The following ZFHX3 variants were observed in gnomAD, a reference collection of about 807,000 sequenced individuals.
The protein encoded by ZFHX3 is zinc finger homeobox protein 3.
In ZFHX3, 42 loss-of-function variants were observed where a neutral mutation model predicts 279.1. The ratio of observed to expected loss-of-function variants is 0.15; its 90% confidence interval spans 0.12 to 0.19. The LOEUF (loss-of-function observed/expected upper bound fraction) is 0.19. Ranked by LOEUF, ZFHX3 falls within the 10% of genes least tolerant of loss-of-function variation. The pLI is 1.00. For synonymous variants in ZFHX3, 2,293 were observed against 1,957.8 expected (o/e 1.17, Z -4.52); for missense variants, 4,981 against 4,754.0 (o/e 1.05, Z -1.40).
At chr16:73,277,112 C>T (rs2014321041) in intron 4 of ZFHX3, among the ~76,000 whole-genome samples, 1 of 152,210 alleles carries the variant, frequency 6.6e-6, no homozygotes, top group African/African-American at 2.4e-5. Flanking sequence ...CTGCCTCACA[C>T]TTTAAAAAAT....
At chr16:73,265,015 C>T (rs944901063) in intron 4 of ZFHX3, among the ~76,000 whole-genome samples, 2 of 142,096 alleles carry the variant, frequency 1.4e-5, no homozygotes, top group South Asian at 2.2e-4. Context: ...CACCTCAGTG[C>T]ATATATATAT....
At chr16:72,927,637 T>G (rs1959527198) in intron 3 of ZFHX3, among the ~76,000 whole-genome samples, 1 of 152,214 alleles carries the variant, frequency 6.6e-6, no homozygotes, top group South Asian at 2.1e-4. Flanking sequence ...AGCATGGCAC[T>G]GGGGCTGGCA....
intron 3 of ZFHX3, among the ~76,000 whole-genome samples, chr16:73,338,609 A>G (rs970620643): frequency 1.3e-5 from 2 of 152,142 alleles, no homozygotes; most frequent in Non-Finnish European, 2.9e-5. Context: ...TTGCCAATAT[A>G]TGACTGCTCT....
chr16:73,886,377 G>C (rs1476737875), intron 1 of ZFHX3, among the ~76,000 whole-genome samples: 1 of 152,048 alleles, frequency 6.6e-6, no homozygotes, highest in African/African-American at 2.4e-5. Context: ...GCTTACATTT[G>C]AAAGAAAGGG....
At position 72,958,346 on chromosome 16, in the gene ZFHX3, G is replaced by A; in HGVS notation, c.1800C>T (p.Ala600=). The part of the protein sequence containing the change: ...FADESANKDN[A]TAPEPNESTE... ...TGCTTTCATTTGGTTCTGGTGCTGT[G>A]GCATTGTCTTTATTGGCACTTTCGT... Residue 600 remains alanine, a synonymous_variant, in exon 2 of 10, where the codon GCC becomes GCT. Transcript: ENST00000268489. The A allele has an allele frequency of 6.2e-7, 1 of 1,614,052 alleles. No individual in the cohort carries two copies. The highest frequency in any genetic ancestry group is 8.5e-7 in the Non-Finnish European group (1 of 1,179,948).
At chr16:73,515,002 A>G (rs979123968) in intron 2 of ZFHX3, among the ~76,000 whole-genome samples, 1 of 152,194 alleles carries the variant, frequency 6.6e-6, no homozygotes, top group African/African-American at 2.4e-5. Context: ...TTCTCATGAA[A>G]CAAAAGGACT....
At chr16:73,503,634 A>C (rs1243825854) in intron 2 of ZFHX3, among the ~76,000 whole-genome samples, 2 of 152,116 alleles carry the variant, frequency 1.3e-5, no homozygotes, top group Non-Finnish European at 2.9e-5. Flanking sequence ...TGATTTCCTG[A>C]ATAGGGGAAT....
chr16:72,900,486 C>T (rs564781335), intron 3 of ZFHX3, among the ~76,000 whole-genome samples: 1 of 152,350 alleles, frequency 6.6e-6, no homozygotes, highest in South Asian at 2.1e-4. Context: ...GAGAAAACTT[C>T]CACATATGTG....
At position 72,796,368 on chromosome 16, in the gene ZFHX3, A is replaced by G. The variant is rs2035901513; in HGVS notation, c.6314T>C (p.Met2105Thr). ...CTGAGCCGGCAAGGTCTGCAGCGGC[A>G]TCGTCTGCATCATCAGCGGCGAGAA... Reference protein sequence around the residue: ...PIFSPLMMQTMPLQTLPAQLP... With the variant: ...PIFSPLMMQTTPLQTLPAQLP... The change falls in exon 9 of 10, where the codon ATG becomes ACG. Residue 2105 changes from methionine to threonine, a missense_variant. By Grantham distance (81) the Met-to-Thr change is moderately conservative. Around this residue, in one of 7 missense-constraint regions of ZFHX3, gnomAD observed 1,751 missense variants for 1,770.0 expected, o/e 0.99. Coordinates refer to ENST00000268489, the MANE Select transcript of ZFHX3 (RefSeq NM_006885.4). The G allele has an allele frequency of 6.2e-7, 1 of 1,613,862 alleles. No individual in the cohort carries two copies. Among genetic ancestry groups the G allele is most frequent in the African/African-American group, 1.3e-5 (1 of 75,016 alleles).
intron 2 of ZFHX3, among the ~76,000 whole-genome samples, chr16:73,503,601 GT>G (rs2019275320): frequency 6.6e-6 from 1 of 152,148 alleles, no homozygotes; most frequent in Non-Finnish European, 1.5e-5. Flanking sequence ...CAGTTACAGT[GT>G]TTTTTGATTT....
rs7201397 is a variant in ZFHX3 at position 73,811,984 on chromosome 16, C to T, written c.-1608+79667G>A. On this transcript the variant is annotated intron_variant, in intron 1 of 17. Coordinates refer to the ZFHX3 transcript ENST00000641206. ...CTTTGCAACAATTCTCTTACTATCA[C>T]CATTTGTGGATAAGAAAACAGAGGC... 5.7e-3 allele frequency among the ~76,000 whole-genome samples: 861 copies of T among 152,236 alleles called. 11 individuals are homozygous for T. The highest frequency in any genetic ancestry group is 0.019 in the African/African-American group (801 of 41,530).
chr16:73,315,606 A>C (rs921578037), intron 4 of ZFHX3, among the ~76,000 whole-genome samples: 1 of 152,206 alleles, frequency 6.6e-6, no homozygotes, highest in Non-Finnish European at 1.5e-5. Context: ...GGTATTGAAA[A>C]AAAAAGACAT....
chr16:73,806,219 A>G (rs1046599744), intron 1 of ZFHX3, among the ~76,000 whole-genome samples: 1 of 152,224 alleles, frequency 6.6e-6, no homozygotes, highest in African/African-American at 2.4e-5. Context: ...GGATTATTAC[A>G]ATTCAAGGTG....
chr16:73,696,794 G>A (rs191319849), intron 1 of ZFHX3, among the ~76,000 whole-genome samples: 1 of 152,242 alleles, frequency 6.6e-6, no homozygotes, highest in Admixed American at 6.5e-5. Context: ...CTGCTTGGCT[G>A]TGGCTTTCAT....
chr16:73,590,095 G>T (rs1241333587), intron 2 of ZFHX3, among the ~76,000 whole-genome samples: 1 of 152,188 alleles, frequency 6.6e-6, no homozygotes, highest in Admixed American at 6.5e-5. Context: ...CTATTGGCAT[G>T]GGAATTTTGG....
At chr16:73,633,642 T>C (rs1466233332) in intron 2 of ZFHX3, among the ~76,000 whole-genome samples, 1 of 152,232 alleles carries the variant, frequency 6.6e-6, no homozygotes, top group Non-Finnish European at 1.5e-5. Flanking sequence ...AAACATAATA[T>C]TGCTCAGTAC....
chr16:73,668,354 G>A (rs377156567), intron 2 of ZFHX3, among the ~76,000 whole-genome samples: 55 of 151,498 alleles, frequency 3.6e-4, no homozygotes, highest in Admixed American at 2.3e-3. Flanking sequence ...TGTGCAGAAC[G>A]TGCAGGTTTG....
chr16:73,418,462 C>A (rs1196184598), intron 3 of ZFHX3, among the ~76,000 whole-genome samples: 2 of 152,206 alleles, frequency 1.3e-5, no homozygotes, highest in African/African-American at 4.8e-5. Context: ...TTTGTTCAGG[C>A]TGTGTTTGTT....
Position 73,667,402 on chromosome 16 carries a change from A to G in ZFHX3, c.-1547+12778T>C, listed in dbSNP as rs373513452. Among the ~76,000 whole-genome samples, 6 of 152,214 alleles carry G rather than the reference A, an allele frequency of 3.9e-5. No individual in the cohort carries two copies. The East Asian group carries it at 5.8e-4, about 15-fold the overall frequency. ...TGTTAACATACGCTTTTGTGTGAAC[A>G]TAAGTTTTTATTTCTCTTGGGAAAA... On this transcript the variant is annotated intron_variant, in intron 2 of 17. Transcript: ENST00000641206.
Sources: gnomAD v4.1 joint callset for allele counts (sites outside exome capture counted in the v4.1 genomes callset) on GRCh38, gnomAD v4.1.1 for gene constraint, gnomAD v4.1.1 regional missense constraint, MANE v1.5 for transcripts, NCBI Gene and HGNC (gene_info 2026-07-23, HGNC 2026-07-21) for gene names.